The following NSMCE2 variants were observed in gnomAD, a reference collection of about 807,000 sequenced individuals.
NSMCE2 encodes NSE2 SUMO ligase component of SMC5/6 complex.
In NSMCE2, 24 loss-of-function variants were observed where a neutral mutation model predicts 23.8. That is an observed-to-expected ratio of 1.01 (90% CI 0.73 to 1.42). The LOEUF (loss-of-function observed/expected upper bound fraction) is 1.42. Among genes scored for constraint, NSMCE2 ranks in the 40% most tolerant of loss-of-function variants. NSMCE2 has a pLI of 0.00. For synonymous variants in NSMCE2, 92 were observed against 94.1 expected, an observed-to-expected ratio of 0.98 and a Z score of 0.13; for missense variants, 284 against 296.5, an observed-to-expected ratio of 0.96 and a Z score of 0.31.
At chr8:125,231,286 G>A (rs904384079) in intron 5 of NSMCE2, among the ~76,000 whole-genome samples, 8 of 152,320 alleles carry the variant, frequency 5.3e-5, no homozygotes, top group African/African-American at 1.9e-4. Flanking sequence ...TGATTAAATG[G>A]TTGCTGACAT....
At chr8:125,279,700 G>A (rs1038652370) in intron 5 of NSMCE2, among the ~76,000 whole-genome samples, 1 of 152,160 alleles carries the variant, frequency 6.6e-6, no homozygotes, top group Admixed American at 6.5e-5. Flanking sequence ...ATAATCAAGT[G>A]TGTCATCTTG....
chr8:125,117,893 A>T (rs1819091369), intron 3 of NSMCE2, among the ~76,000 whole-genome samples: 1 of 152,190 alleles, frequency 6.6e-6, no homozygotes, highest in South Asian at 2.1e-4. Context: ...TCTTAATACA[A>T]ATATCTGGAT....
intron 7 of NSMCE2, among the ~76,000 whole-genome samples, chr8:125,358,282 G>A (rs6651236): frequency 0.099 from 14,960 of 151,222 alleles, 1,505 homozygotes; most frequent in African/African-American, 0.26. Flanking sequence ...GCAGTGAGCC[G>A]AGATTGTGCC....
At chr8:125,203,650 C>T (rs1308803303) in intron 5 of NSMCE2, among the ~76,000 whole-genome samples, 1 of 152,104 alleles carries the variant, frequency 6.6e-6, no homozygotes, top group African/African-American at 2.4e-5. Context: ...GAGTAGGCCC[C>T]TACTATATTC....
At chr8:125,186,717 G>A (rs890491654) in intron 5 of NSMCE2, among the ~76,000 whole-genome samples, 1 of 152,318 alleles carries the variant, frequency 6.6e-6, no homozygotes, top group African/African-American at 2.4e-5. Flanking sequence ...AGTAGGTACA[G>A]AAAGATTTTG....
intron 5 of NSMCE2, among the ~76,000 whole-genome samples, chr8:125,244,760 C>G (rs1308521233): frequency 1.3e-5 from 2 of 152,114 alleles, no homozygotes; most frequent in Non-Finnish European, 2.9e-5. Context: ...TATCAGAAGA[C>G]ATTTAGAAGT....
chr8:125,269,032 C>T (rs574094592), intron 5 of NSMCE2, among the ~76,000 whole-genome samples: 1 of 152,134 alleles, frequency 6.6e-6, no homozygotes, highest in Non-Finnish European at 1.5e-5. Context: ...TCATGCATAG[C>T]TATCTTTGCT....
intron 4 of NSMCE2, among the ~76,000 whole-genome samples, chr8:125,164,706 G>A (rs1040616531): frequency 6.6e-6 from 1 of 152,168 alleles, no homozygotes; most frequent in Non-Finnish European, 1.5e-5. Context: ...TGAAGTGGTA[G>A]TGGTGTGAAT....
At chr8:125,321,904 T>C (rs1252372216) in intron 5 of NSMCE2, among the ~76,000 whole-genome samples, 1 of 152,234 alleles carries the variant, frequency 6.6e-6, no homozygotes, top group East Asian at 1.9e-4. Context: ...TGTGTAGTGG[T>C]ATCTCATTAT....
rs377094700 is a variant in NSMCE2, at chr8:125,211,459, A to G, written c.418+29203A>G. Among the ~76,000 whole-genome samples the G allele has an allele frequency of 4.5e-4, 69 of 152,358 alleles. No individual in the cohort carries two copies. In the South Asian group the frequency reaches 0.013, roughly 28 times the overall value. On this transcript the variant is annotated intron_variant, in intron 5 of 7. Coordinates refer to ENST00000287437, the MANE Select transcript of NSMCE2 (RefSeq NM_173685.4). ...CACTGCCTCACTTTTTAATGGCTAT[A>G]TAAAATAGTACTATAATTTTTAACC...
intron 3 of NSMCE2, among the ~76,000 whole-genome samples, chr8:125,112,228 T>C (rs979128099): frequency 6.6e-5 from 10 of 152,130 alleles, no homozygotes; most frequent in African/African-American, 2.4e-4. Flanking sequence ...CTGTATATAG[T>C]ACTAAAAGTA....
At chr8:125,278,252 G>A (rs941953400) in intron 5 of NSMCE2, among the ~76,000 whole-genome samples, 1 of 152,210 alleles carries the variant, frequency 6.6e-6, no homozygotes, top group African/African-American at 2.4e-5. Flanking sequence ...GGTGGAATGA[G>A]TGCCACATTC....
rs542344823 is a variant in NSMCE2 at position 125,144,764 on chromosome 8, C to G, written c.158-6407C>G. Among the ~76,000 whole-genome samples the G allele has an allele frequency of 4.6e-5, 7 of 152,326 alleles. No individual in the cohort carries two copies. The South Asian group carries it at 1.2e-3, about 27-fold the overall frequency. On this transcript the variant is annotated intron_variant, in intron 3 of 7. Transcript: ENST00000287437. Reference sequence around the variant, plus strand: ...TTGTTTGTGCCTCATTCATCATCTTCTATTCATTGAAGTCTCATGAATTTT... The same window carrying G: ...TTGTTTGTGCCTCATTCATCATCTTGTATTCATTGAAGTCTCATGAATTTT...
chr8:125,357,321 TA>T lies in NSMCE2; in HGVS notation c.519+3del. ...AACTTCACCTGCCCCATTACAAAGG[TA>T]CCGCTTCCTCCTACTTCCCCTGAAA... On this transcript the variant is annotated splice_donor_region_variant and intron_variant, in intron 6 of 7. Transcript: ENST00000287437. 6.4e-7 allele frequency: 1 copy of T among 1,567,116 alleles called. No individual in the cohort carries two copies. Among genetic ancestry groups the T allele is most frequent in the Non-Finnish European group, 8.8e-7 (1 of 1,137,150 alleles).
At chr8:125,196,432 C>G (rs926703928) in intron 5 of NSMCE2, among the ~76,000 whole-genome samples, 1 of 152,104 alleles carries the variant, frequency 6.6e-6, no homozygotes, top group Admixed American at 6.5e-5. Flanking sequence ...CAATTTCCAC[C>G]TGTGGGTGAG....
In NSMCE2 at chr8:125,317,232, C is replaced by G. The variant is rs748535853; in HGVS notation, c.419-39987C>G. Among the ~76,000 whole-genome samples, 6 of 151,628 alleles carry G rather than the reference C, an allele frequency of 4.0e-5. No homozygotes were observed. The South Asian group carries it at 6.2e-4, about 16-fold the overall frequency. On this transcript the variant is annotated intron_variant, in intron 5 of 7. Coordinates refer to ENST00000287437, the MANE Select transcript of NSMCE2 (RefSeq NM_173685.4). ...TTTTTATTGGAGACAGGGTCTCACT[C>G]TATCACCCAGGCTGGAGTGCAGTGA...
At chr8:125,141,664 A>T (rs956542064) in intron 3 of NSMCE2, among the ~76,000 whole-genome samples, 3 of 152,018 alleles carry the variant, frequency 2.0e-5, no homozygotes, top group Non-Finnish European at 4.4e-5. Context: ...TTCATTCCCA[A>T]GTGTTTTTGT....
intron 5 of NSMCE2, among the ~76,000 whole-genome samples, chr8:125,290,075 G>A (rs573556690): frequency 2.0e-5 from 3 of 152,222 alleles, no homozygotes; most frequent in East Asian, 3.9e-4. Context: ...TGAGGAAAAT[G>A]GGGAACTTCT....
chr8:125,094,839 C>T (rs1199078069), intron 1 of NSMCE2, among the ~76,000 whole-genome samples: 2 of 152,050 alleles, frequency 1.3e-5, no homozygotes, highest in African/African-American at 4.8e-5. Context: ...CCTGGCGTCT[C>T]TTCCTTTTCT....
Sources: allele counts gnomAD v4.1 joint callset (sites outside exome capture counted in the v4.1 genomes callset), GRCh38; gene constraint gnomAD v4.1.1; transcripts MANE v1.5; gene names NCBI Gene and HGNC (gene_info 2026-07-23, HGNC 2026-07-21).